The following FANCD2OS variants were observed in gnomAD, a reference collection of about 807,000 sequenced individuals.
The protein encoded by FANCD2OS is FANCD2 opposite strand.
FANCD2OS carries 11 observed loss-of-function variants against 13.2 expected under a neutral mutation model. The observed-to-expected ratio is 0.83, with a 90% confidence interval of 0.52 to 1.38. The LOEUF is 1.38. FANCD2OS is among the 40% of genes most tolerant of loss of function. FANCD2OS has a pLI of 0.00. For missense variants in FANCD2OS, 217 were observed against 213.9 expected (o/e 1.01, Z -0.09); for synonymous variants, 69 against 84.5 (o/e 0.82, Z 1.01).
At chr3:10,098,766 A>G, downstream of FANCD2OS, 1 of 1,614,084 alleles carries the variant, frequency 6.2e-7, no homozygotes, top group Non-Finnish European at 8.5e-7. Flanking sequence ...ACAGCAGATG[A>G]GAGTGAGGAT....
chr3:10,098,777 G>A (rs2125100870), downstream of FANCD2OS: 1 of 1,614,184 alleles, frequency 6.2e-7, no homozygotes, highest in Non-Finnish European at 8.5e-7. Context: ...GAGTGAGGAT[G>A]ACATGTCATC....
At chr3:10,088,805 C>A in intron 2 of FANCD2OS, 4 of 1,613,346 alleles carry the variant, frequency 2.5e-6, no homozygotes, top group Non-Finnish European at 3.4e-6. Context: ...ATTAGTGGGT[C>A]AAATATTTGA....
downstream of FANCD2OS, chr3:10,101,042 CTGG>C: frequency 3.3e-6 from 2 of 601,106 alleles, no homozygotes; most frequent in South Asian, 3.5e-5. Context: ...GCATTCCAGC[CTGG>C]TGACAGAGCA....
intron 2 of FANCD2OS, chr3:10,087,280 C>CT: frequency 7.9e-7 from 1 of 1,272,492 alleles, no homozygotes; most frequent in Admixed American, 2.2e-5. Flanking sequence ...GGGCCTAGAT[C>CT]CTTTTTTTTT....
At chr3:10,103,127 G>A, downstream of FANCD2OS, 1 of 435,860 alleles carries the variant, frequency 2.3e-6, no homozygotes, top group South Asian at 1.6e-5. Context: ...TAATGGCCGG[G>A]CGCAGTGGCT....
At chr3:10,088,614 T>C in intron 2 of FANCD2OS, 1 of 1,196,366 alleles carries the variant, frequency 8.4e-7, no homozygotes, top group South Asian at 1.2e-5. Context: ...TGTCAGAGAC[T>C]GGACAAATGA....
intron 2 of FANCD2OS, among the ~76,000 whole-genome samples, chr3:10,085,224 G>A (rs1423687595): frequency 1.3e-5 from 2 of 152,078 alleles, no homozygotes; most frequent in African/African-American, 4.8e-5. Context: ...TATGGCCCAG[G>A]CGTGGTGGCT....
intron 2 of FANCD2OS, among the ~76,000 whole-genome samples, chr3:10,096,861 T>C (rs1694996906): frequency 6.6e-6 from 1 of 152,226 alleles, no homozygotes; most frequent in Non-Finnish European, 1.5e-5. Context: ...ATCTGTCTTA[T>C]TCCAGAAATT....
intron 1 of FANCD2OS, among the ~76,000 whole-genome samples, chr3:10,107,629 G>A (rs559177835): frequency 1.3e-5 from 2 of 151,968 alleles, no homozygotes; most frequent in East Asian, 3.9e-4. Context: ...AGGAAGTAGA[G>A]GTAGAAGTAA....
chr3:10,105,811 TATATATATA>T, intron 1 of FANCD2OS, among the ~76,000 whole-genome samples: 1 of 79,290 alleles, frequency 1.3e-5, no homozygotes, highest in Non-Finnish European at 2.4e-5. Flanking sequence ...TATATATATA[TATATATATA>T]TTTTGAGGTT....
At chr3:10,089,371 A>G (rs1694443189) in intron 2 of FANCD2OS, among the ~76,000 whole-genome samples, 1 of 152,164 alleles carries the variant, frequency 6.6e-6, no homozygotes, top group African/African-American at 2.4e-5. Flanking sequence ...ATTCTGATAC[A>G]GACAGTAGAT....
At chr3:10,093,238 C>T (rs376114632) in intron 2 of FANCD2OS, 2 of 1,540,902 alleles carry the variant, frequency 1.3e-6, no homozygotes, top group Non-Finnish European at 1.8e-6. Flanking sequence ...CTGGAGTGCT[C>T]AAAGGAGCAG....
At position 10,085,837 on chromosome 3, in the gene FANCD2OS, C is replaced by G. The variant is rs747450518; in HGVS notation, c.*44-4306G>C. The G allele has an allele frequency of 1.2e-6, 2 of 1,613,458 alleles. No individual in the cohort carries two copies. The highest frequency in any genetic ancestry group is 1.1e-5 in the South Asian group (1 of 91,036). On this transcript the variant is annotated intron_variant, in intron 2 of 2. Transcript: ENST00000524279. ...GAGTGGATTTTCTCAACCTGAAAATCAGAATTTACTGTATTCAGCCCTCCA... is the reference window on the plus strand; with the variant it reads ...GAGTGGATTTTCTCAACCTGAAAATGAGAATTTACTGTATTCAGCCCTCCA...
At chr3:10,092,326 C>A in intron 2 of FANCD2OS, 1 of 1,138,918 alleles carries the variant, frequency 8.8e-7, no homozygotes, top group Non-Finnish European at 1.3e-6. Context: ...CCAAAATGGA[C>A]TTTCCTTGCT....
intron 2 of FANCD2OS, among the ~76,000 whole-genome samples, chr3:10,083,072 C>A (rs966621549): frequency 9.2e-5 from 14 of 152,006 alleles, no homozygotes; most frequent in African/African-American, 3.1e-4. Flanking sequence ...ATAAAAAATA[C>A]AAAAATTATC....
At chr3:10,086,175 T>C (rs2125070246) in intron 2 of FANCD2OS, among the ~76,000 whole-genome samples, 1 of 152,356 alleles carries the variant, frequency 6.6e-6, no homozygotes, top group South Asian at 2.1e-4. Context: ...GTAATAATGA[T>C]GAAAACATTG....
intron 2 of FANCD2OS, among the ~76,000 whole-genome samples, chr3:10,090,666 G>A (rs1694544557): frequency 6.6e-6 from 1 of 151,952 alleles, no homozygotes; most frequent in African/African-American, 2.4e-5. Context: ...CACCATGTTG[G>A]CCAGGCTAGT....
At chr3:10,097,002 C>G (rs1243885528) in intron 2 of FANCD2OS, among the ~76,000 whole-genome samples, 1 of 151,966 alleles carries the variant, frequency 6.6e-6, no homozygotes, top group Admixed American at 6.6e-5. Context: ...GCTGGGCGTC[C>G]GGGGGAGACA....
intron 2 of FANCD2OS, chr3:10,092,157 T>C (rs762681457): frequency 1.3e-6 from 2 of 1,561,024 alleles, no homozygotes; most frequent in East Asian, 4.5e-5. Context: ...GACTCAGAGG[T>C]GCCCATATAT....
Sources: allele counts gnomAD v4.1 joint callset (sites outside exome capture counted in the v4.1 genomes callset), GRCh38; gene constraint gnomAD v4.1.1; transcripts MANE v1.5; gene names NCBI Gene and HGNC (gene_info 2026-07-23, HGNC 2026-07-21).